FBXL17: variants seen among roughly 807,000 people sequenced by gnomAD.
FBXL17 encodes the protein F-box/LRR-repeat protein 17.
Under a neutral mutation model 66.2 loss-of-function variants are expected in FBXL17, and 22 were observed. The observed-to-expected ratio is 0.33, with a 90% CI of 0.24 to 0.47. The LOEUF (loss-of-function observed/expected upper bound fraction) is 0.47, where lower values mean the gene tolerates loss of function less well. FBXL17 is among the 20% of genes least tolerant of loss of function. The pLI is 1.00. For missense variants in FBXL17, 878 were observed against 948.2 expected, an observed-to-expected ratio of 0.93 and a Z score of 0.97; for synonymous variants, 474 against 400.5, an observed-to-expected ratio of 1.18 and a Z score of -2.19.
intron 7 of FBXL17, among the ~76,000 whole-genome samples, chr5:107,996,979 G>C (rs1306414535): frequency 2.0e-5 from 3 of 152,178 alleles, no homozygotes; most frequent in African/African-American, 7.2e-5. Flanking sequence ...AAATATTAGA[G>C]GGAAGATGAG....
chr5:108,187,545 A>G (rs932785052), intron 5 of FBXL17, among the ~76,000 whole-genome samples: 1 of 152,082 alleles, frequency 6.6e-6, no homozygotes, highest in Non-Finnish European at 1.5e-5. Flanking sequence ...AGATGTTTCA[A>G]TCATGAAAGG....
At chr5:108,248,169 A>T (rs1305129135) in intron 4 of FBXL17, among the ~76,000 whole-genome samples, 1 of 152,202 alleles carries the variant, frequency 6.6e-6, no homozygotes, top group Non-Finnish European at 1.5e-5. Flanking sequence ...TTTGACAAAA[A>T]CTGTAAATCA....
intron 7 of FBXL17, among the ~76,000 whole-genome samples, chr5:107,921,693 G>A (rs920161535): frequency 6.6e-6 from 1 of 152,166 alleles, no homozygotes; most frequent in Non-Finnish European, 1.5e-5. Flanking sequence ...GCTGCCCAAG[G>A]TGAACAGTCC....
At chr5:108,274,803 C>T (rs963920163) in intron 4 of FBXL17, among the ~76,000 whole-genome samples, 2 of 152,194 alleles carry the variant, frequency 1.3e-5, no homozygotes, top group African/African-American at 4.8e-5. Flanking sequence ...CTGGTCCCTC[C>T]ATTTGGGGTC....
Position 108,381,284 on chromosome 5 carries a change from C to G in FBXL17, c.408G>C (p.Ser136=). 2.1e-6 allele frequency: 3 copies of G among 1,413,894 alleles called. No homozygotes were observed. The highest frequency in any genetic ancestry group is 2.8e-6 in the Non-Finnish European group (3 of 1,088,398). 87.6% of individuals were successfully genotyped at this position (1,413,894 alleles called of 1,614,324 possible). Residue 136 remains serine (S), a synonymous_variant, in exon 1 of 9, where the codon TCG becomes TCC. Coordinates refer to ENST00000542267, the MANE Select transcript of FBXL17 (RefSeq NM_001163315.3). ...AAAAAAASAS[S]PASCCKELGL... is the part of the protein sequence containing the mutation. The stretch of plus-strand genomic sequence containing the variant: ...CCAACTCTTTGCAGCAGGAGGCGGG[C>G]GACGAAGCCGAGGCGGCAGCGGCGG...
At chr5:107,987,769 G>C (rs1372819554) in intron 7 of FBXL17, among the ~76,000 whole-genome samples, 1 of 152,002 alleles carries the variant, frequency 6.6e-6, no homozygotes, top group Non-Finnish European at 1.5e-5. Context: ...GACAAAATTG[G>C]AAAAGAGCTT....
chr5:107,972,196 G>A (rs1436426054), intron 7 of FBXL17, among the ~76,000 whole-genome samples: 1 of 152,060 alleles, frequency 6.6e-6, no homozygotes. Context: ...TGAAAGAAAA[G>A]AAAAGAAAAG....
chr5:108,008,273 T>C (rs149868592), intron 7 of FBXL17, among the ~76,000 whole-genome samples: 57 of 152,304 alleles, frequency 3.7e-4, no homozygotes, highest in African/African-American at 1.3e-3. Flanking sequence ...ACTTAATCTG[T>C]TCCAATTTAT....
chr5:108,367,629 A>G (rs1224900287), intron 2 of FBXL17, among the ~76,000 whole-genome samples: 2 of 152,174 alleles, frequency 1.3e-5, no homozygotes, highest in East Asian at 3.8e-4. Context: ...TTACCAATCT[A>G]CATGAAAAAC....
chr5:108,027,925 C>A (rs1408250953), intron 6 of FBXL17, among the ~76,000 whole-genome samples: 3 of 151,994 alleles, frequency 2.0e-5, no homozygotes, highest in Non-Finnish European at 4.4e-5. Flanking sequence ...TGTGAGTTTC[C>A]ATCAATTCAT....
intron 6 of FBXL17, among the ~76,000 whole-genome samples, chr5:108,061,840 T>C (rs1747936852): frequency 6.6e-6 from 1 of 151,994 alleles, no homozygotes; most frequent in Non-Finnish European, 1.5e-5. Flanking sequence ...GGGTTTCTTT[T>C]AGTGATTTAA....
intron 6 of FBXL17, among the ~76,000 whole-genome samples, chr5:108,126,647 C>CATATATA (rs1561423026): frequency 1.9e-4 from 15 of 77,028 alleles, no homozygotes; most frequent in African/African-American, 5.9e-4. Flanking sequence ...CTCTCTCTCT[C>CATATATA]TCTCTATATA....
chr5:108,215,166 T>C (rs1324903806), intron 5 of FBXL17, among the ~76,000 whole-genome samples: 1 of 152,256 alleles, frequency 6.6e-6, no homozygotes, highest in Admixed American at 6.5e-5. Flanking sequence ...GTTGCTGCTA[T>C]GGGCATTCAT....
At chr5:107,997,077 A>G (rs529637296) in intron 7 of FBXL17, among the ~76,000 whole-genome samples, 1 of 152,306 alleles carries the variant, frequency 6.6e-6, no homozygotes, top group Non-Finnish European at 1.5e-5. Flanking sequence ...CCCCACTGAA[A>G]ACTTACAGCA....
At chr5:108,243,564 G>A (rs1278612807) in intron 4 of FBXL17, among the ~76,000 whole-genome samples, 4 of 152,258 alleles carry the variant, frequency 2.6e-5, no homozygotes, top group Non-Finnish European at 2.9e-5. Context: ...AAGATTATAC[G>A]TGAGCCTAGT....
chr5:108,366,682 G>A (rs937872794), intron 2 of FBXL17, among the ~76,000 whole-genome samples: 2 of 151,934 alleles, frequency 1.3e-5, no homozygotes, highest in Admixed American at 1.3e-4. Context: ...ACACATATCT[G>A]CTCTCCATTC....
intron 7 of FBXL17, among the ~76,000 whole-genome samples, chr5:108,009,308 T>TATATATATATATATACACAC: frequency 4.7e-5 from 2 of 42,220 alleles, no homozygotes; most frequent in African/African-American, 1.8e-4. Flanking sequence ...TATACATATA[T>TATATATATATATATACACAC]ACATACACAT....
intron 4 of FBXL17, chr5:108,298,524 G>C (rs765560807): frequency 2.1e-6 from 2 of 974,134 alleles, no homozygotes; most frequent in Non-Finnish European, 2.4e-6. Context: ...CCACTAACTT[G>C]CCTAATGATG....
chr5:108,051,874 G>A (rs1242359601), intron 6 of FBXL17, among the ~76,000 whole-genome samples: 1 of 152,072 alleles, frequency 6.6e-6, no homozygotes, highest in African/African-American at 2.4e-5. Context: ...ACTTTGAGAG[G>A]CTGAGGCGGG....
Sources: allele counts gnomAD v4.1 joint callset (sites outside exome capture counted in the v4.1 genomes callset), GRCh38; gene constraint gnomAD v4.1.1; transcripts MANE v1.5; gene names NCBI Gene and HGNC (gene_info 2026-07-23, HGNC 2026-07-21).